The following PSD3 variants were observed in gnomAD, a reference collection of about 807,000 sequenced individuals.
PSD3 encodes PH and SEC7 domain-containing protein 3.
In PSD3, 49 loss-of-function variants were observed where a neutral mutation model predicts 105.5. The ratio of observed to expected loss-of-function variants is 0.46; its 90% CI spans 0.37 to 0.59. PSD3 has a LOEUF of 0.59. Ranked by LOEUF, PSD3 falls within the 20% of genes least tolerant of loss-of-function variation. The pLI, the probability that PSD3 is intolerant of heterozygous loss-of-function variation, is 0.00. For missense variants in PSD3, 1,561 were observed against 1,263.8 expected, an observed-to-expected ratio of 1.24 and a Z score of -3.57; for synonymous variants, 557 against 457.8, an observed-to-expected ratio of 1.22 and a Z score of -2.77.
intron 11 of PSD3, among the ~76,000 whole-genome samples, chr8:18,601,699 A>C (rs1160487986): frequency 1.3e-5 from 2 of 152,260 alleles, no homozygotes; most frequent in Non-Finnish European, 2.9e-5. Flanking sequence ...AACCAAAAAA[A>C]AGCATACCAT....
At chr8:18,836,710 A>G (rs1814138179) in intron 4 of PSD3, among the ~76,000 whole-genome samples, 1 of 152,140 alleles carries the variant, frequency 6.6e-6, no homozygotes, top group African/African-American at 2.4e-5. Context: ...ACTTTAAATC[A>G]TCTCTAGATT....
intron 1 of PSD3, among the ~76,000 whole-genome samples, chr8:19,010,048 C>G (rs1826880609): frequency 6.6e-6 from 1 of 152,160 alleles, no homozygotes; most frequent in African/African-American, 2.4e-5. Context: ...CAATAATAAT[C>G]TTTTAAAAAT....
chr8:18,830,698 A>C (rs1255826068), intron 4 of PSD3, among the ~76,000 whole-genome samples: 3 of 152,148 alleles, frequency 2.0e-5, no homozygotes, highest in African/African-American at 7.2e-5. Flanking sequence ...AAAAGACTGC[A>C]GCATAACCCG....
intron 1 of PSD3, among the ~76,000 whole-genome samples, chr8:19,020,818 C>G (rs547158017): frequency 6.6e-6 from 1 of 152,104 alleles, no homozygotes; most frequent in Non-Finnish European, 1.5e-5. Flanking sequence ...GGGTTTGGGA[C>G]TGAACTACCA....
rs766758230 is a variant in PSD3 at position 18,632,824 on chromosome 8, C to G, written c.2217-18G>C. ...CATCATCTCTAAAAGGGAGAAAGCACAAAGACTGAGTCAAGCACCTATCAT... is the reference window on the plus strand; with the variant it reads ...CATCATCTCTAAAAGGGAGAAAGCAGAAAGACTGAGTCAAGCACCTATCAT... On this transcript the variant is annotated intron_variant, in intron 10 of 15. Coordinates refer to ENST00000327040, the MANE Select transcript of PSD3 (RefSeq NM_015310.4). 10 of 1,515,012 alleles carry G rather than the reference C, an allele frequency of 6.6e-6. No individual in the cohort carries two copies. The Admixed American group carries it at 1.3e-4, about 20-fold the overall frequency. 93.8% of individuals were successfully genotyped at this position (1,515,012 alleles called of 1,614,324 possible). A position where few individuals can be genotyped will look rare whatever the true frequency, so the allele number is the denominator to read the frequency against.
intron 2 of PSD3, among the ~76,000 whole-genome samples, chr8:18,921,916 C>G (rs1586431956): frequency 6.6e-6 from 1 of 152,298 alleles, no homozygotes; most frequent in East Asian, 1.9e-4. Flanking sequence ...TGTTGGCATT[C>G]CTCAAATTCA....
intron 9 of PSD3, among the ~76,000 whole-genome samples, chr8:18,743,142 C>T (rs894484805): frequency 6.6e-6 from 1 of 152,140 alleles, no homozygotes; most frequent in Admixed American, 6.5e-5. Context: ...GCAAACCTCC[C>T]CTTTGCCCTT....
chr8:18,981,817 C>T (rs1307236676), intron 1 of PSD3, among the ~76,000 whole-genome samples: 1 of 152,180 alleles, frequency 6.6e-6, no homozygotes, highest in Non-Finnish European at 1.5e-5. Flanking sequence ...TCATCTGAGG[C>T]TTCAGTAAGT....
intron 12 of PSD3, among the ~76,000 whole-genome samples, chr8:18,575,579 G>A (rs1460273744): frequency 6.6e-6 from 1 of 152,144 alleles, no homozygotes; most frequent in African/African-American, 2.4e-5. Flanking sequence ...GCCAAAGGCA[G>A]AAATAAATAT....
At chr8:18,558,894 C>G (rs1801234457) in intron 14 of PSD3, among the ~76,000 whole-genome samples, 1 of 152,074 alleles carries the variant, frequency 6.6e-6, no homozygotes, top group African/African-American at 2.4e-5. Context: ...TAATTAAAGG[C>G]TTTCTTTTGT....
intron 2 of PSD3, among the ~76,000 whole-genome samples, chr8:18,903,381 C>T (rs1044997579): frequency 6.6e-6 from 1 of 152,082 alleles, no homozygotes. Flanking sequence ...GCAGTGGCAG[C>T]AAGTACCTGG....
Position 18,742,040 on chromosome 8 carries a change from T to C in PSD3, c.2172+23409A>G, listed in dbSNP as rs528360850. Among the ~76,000 whole-genome samples the C allele has an allele frequency of 1.8e-4, 28 of 152,228 alleles. No homozygotes were observed. The East Asian group carries it at 5.2e-3, about 28-fold the overall frequency. ...AGGAGTAATATGAGGAAAATAATGC[T>C]TTCGACATTTTCATTTTATCCTTGG... On this transcript the variant is annotated intron_variant, in intron 9 of 15. Transcript: ENST00000327040.
chr8:18,872,244 T>A lies in PSD3; in HGVS notation c.620A>T (p.Glu207Val). The change falls in exon 3 of 16, where the codon GAA becomes GTA. Residue 207 changes from glutamate (E) to valine (V), a missense_variant. Physicochemically the swap from Glu to Val is moderately radical, Grantham distance 121. Coordinates refer to ENST00000327040, the MANE Select transcript of PSD3 (RefSeq NM_015310.4). ...TTTCTGGATGCTCAAATAAAAACTT[T>A]CCTCCGTTGTTACTTCAGCTGAAAG... Reference protein sequence around the residue: ...IPLSAEVTTEESFYLSIQKDL... With the variant: ...IPLSAEVTTEVSFYLSIQKDL... 1 of 1,614,232 alleles carries A rather than the reference T, an allele frequency of 6.2e-7. No individual in the cohort carries two copies. The highest frequency in any genetic ancestry group is 8.5e-7 in the Non-Finnish European group (1 of 1,180,038).
chr8:18,666,223 G>A (rs531127486), intron 9 of PSD3, among the ~76,000 whole-genome samples: 2 of 152,278 alleles, frequency 1.3e-5, no homozygotes, highest in Admixed American at 1.3e-4. Context: ...GTTTATTTTT[G>A]TATTTTTAGT....
chr8:18,595,727 G>A (rs1218170241), intron 12 of PSD3, among the ~76,000 whole-genome samples: 1 of 152,010 alleles, frequency 6.6e-6, no homozygotes, highest in Non-Finnish European at 1.5e-5. Context: ...ACCATTATTA[G>A]TACATATGCA....
At chr8:18,657,407 T>C (rs981662281) in intron 9 of PSD3, among the ~76,000 whole-genome samples, 1 of 152,240 alleles carries the variant, frequency 6.6e-6, no homozygotes, top group Non-Finnish European at 1.5e-5. Context: ...TGTGGCTTCA[T>C]AGTCAATTCA....
At chr8:18,798,608 C>G (rs1350681475) in intron 8 of PSD3, among the ~76,000 whole-genome samples, 1 of 151,976 alleles carries the variant, frequency 6.6e-6, no homozygotes, top group Admixed American at 6.6e-5. Context: ...ACACAGACAC[C>G]TGATTTTCTC....
At chr8:18,814,064 A>C (rs1392720366) in intron 4 of PSD3, among the ~76,000 whole-genome samples, 1 of 152,258 alleles carries the variant, frequency 6.6e-6, no homozygotes, top group Non-Finnish European at 1.5e-5. Flanking sequence ...TGTTTTCAAC[A>C]GTTACATAGA....
At chr8:18,854,022 G>A (rs945919824) in intron 4 of PSD3, 1 of 97,120 alleles carries the variant, frequency 1.0e-5, no homozygotes, top group Non-Finnish European at 2.1e-5. Context: ...ATCCAAGGAA[G>A]TTTCTACAAT....
Sources: gnomAD v4.1 joint callset for allele counts (sites outside exome capture counted in the v4.1 genomes callset) on GRCh38, gnomAD v4.1.1 for gene constraint, MANE v1.5 for transcripts, NCBI Gene and HGNC (gene_info 2026-07-23, HGNC 2026-07-21) for gene names.